Variants in ERC1 observed in about 807,000 individuals in gnomAD.
ERC1 encodes the protein ELKS/RAB6-interacting/CAST family member 1, also known as RAB6 interacting protein 2.
A neutral mutation model predicts 132.0 loss-of-function variants in ERC1; 56 were observed. That is an observed-to-expected ratio of 0.42 (90% CI 0.34 to 0.53). The LOEUF is 0.53. Ranked by LOEUF, ERC1 falls within the 20% of genes least tolerant of loss-of-function variation. The pLI is 0.03. For synonymous variants in ERC1, 478 were observed against 476.1 expected, an observed-to-expected ratio of 1.00 and a Z score of -0.05; for missense variants, 1,202 against 1,349.9, an observed-to-expected ratio of 0.89 and a Z score of 1.72.
At position 1,455,919 on chromosome 12, in the gene ERC1, G is replaced by A. The variant is rs77282740; in HGVS notation, c.3213+11169G>A. 3.2e-3 allele frequency among the ~76,000 whole-genome samples: 482 copies of A among 152,244 alleles called. 2 individuals are homozygous for A. The highest frequency in any genetic ancestry group is 0.02 in the Middle Eastern group (6 of 294). On this transcript the variant is annotated intron_variant, in intron 18 of 18. Transcript: ENST00000360905. Reference sequence around the variant, plus strand: ...TTAATTCCTTAGTTTCGAAAGATGCGACGGAGTGGGAAAGTTCGATATCCA... The same window carrying A: ...TTAATTCCTTAGTTTCGAAAGATGCAACGGAGTGGGAAAGTTCGATATCCA...
At chr12:1,051,573 A>C (rs977272479) in intron 2 of ERC1, among the ~76,000 whole-genome samples, 1 of 150,134 alleles carries the variant, frequency 6.7e-6, no homozygotes, top group Non-Finnish European at 1.5e-5. Context: ...GAAAAATTAG[A>C]CAGGTACAGT....
intron 14 of ERC1, among the ~76,000 whole-genome samples, chr12:1,286,210 C>A (rs1488535882): frequency 1.4e-5 from 2 of 147,754 alleles, no homozygotes; most frequent in Non-Finnish European, 3.0e-5. Context: ...AGGAGAATTG[C>A]TTGAACTGGG....
intron 14 of ERC1, among the ~76,000 whole-genome samples, chr12:1,266,715 T>A (rs2077509573): frequency 6.6e-6 from 1 of 152,112 alleles, no homozygotes; most frequent in Admixed American, 6.5e-5. Flanking sequence ...CATCTTTTCC[T>A]GTCTTTTAGC....
rs573120557 is a variant in ERC1, at chr12:1,485,267, T to A, written c.3214-4826T>A. 1.5e-4 allele frequency among the ~76,000 whole-genome samples: 21 copies of A among 140,938 alleles called. No homozygotes were observed. The Admixed American group carries it at 1.6e-3, about 11-fold the overall frequency. 92.5% of individuals were successfully genotyped at this position (140,938 alleles called of 152,430 possible). A position where few individuals can be genotyped will look rare whatever the true frequency, so the allele number is the denominator to read the frequency against. ...TCACCCAGGCTGGAGTGCAGTGGCG[T>A]GATCTTAGCCCACTGCAACCTCCAC... On this transcript the variant is annotated intron_variant, in intron 18 of 18. Transcript: ENST00000360905.
intron 2 of ERC1, among the ~76,000 whole-genome samples, chr12:1,036,158 G>A (rs955851268): frequency 2.6e-5 from 4 of 152,030 alleles, no homozygotes; most frequent in Admixed American, 6.5e-5. Flanking sequence ...TGTGTGTTGT[G>A]TTTCTTCTCT....
intron 12 of ERC1, among the ~76,000 whole-genome samples, chr12:1,207,523 T>C (rs1251362450): frequency 6.6e-6 from 1 of 152,214 alleles, no homozygotes; most frequent in Admixed American, 6.5e-5. Context: ...TAATAGTGCC[T>C]AGTGTTTTTG....
At chr12:1,080,204 G>T (rs1312343813) in intron 2 of ERC1, among the ~76,000 whole-genome samples, 1 of 152,146 alleles carries the variant, frequency 6.6e-6, no homozygotes, top group African/African-American at 2.4e-5. Flanking sequence ...GTGGCATTCA[G>T]TATATCCCAT....
rs1467097776 is a variant in ERC1 at position 1,384,927 on chromosome 12, C to A, written c.2925+12950C>A. Among the ~76,000 whole-genome samples the A allele has an allele frequency of 2.6e-5, 4 of 152,282 alleles. No individual in the cohort carries two copies. In the East Asian group the frequency reaches 5.8e-4, roughly 22 times the overall value. On this transcript the variant is annotated intron_variant, in intron 16 of 18. Transcript: ENST00000360905. ...TGGGTTCTCAGAAAATAATTTGGAA[C>A]ATGTACAGTCTGGGCCTACCTAACT... is the stretch of plus-strand genomic sequence containing the variant.
intron 2 of ERC1, among the ~76,000 whole-genome samples, chr12:1,075,854 G>T (rs1941258860): frequency 6.6e-6 from 1 of 152,202 alleles, no homozygotes; most frequent in Non-Finnish European, 1.5e-5. Context: ...GGAAGAGGAA[G>T]AAGAAAAGGG....
At chr12:1,069,332 G>A (rs1939889471) in intron 2 of ERC1, among the ~76,000 whole-genome samples, 2 of 152,160 alleles carry the variant, frequency 1.3e-5, no homozygotes, top group Non-Finnish European at 2.9e-5. Context: ...AAATGGAAAA[G>A]TAGCAAGTTT....
rs1009304578 is a variant in ERC1, at chr12:1,105,576, C to T, written c.1161+752C>T. On this transcript the variant is annotated intron_variant, in intron 4 of 18. Coordinates refer to ENST00000360905, the MANE Select transcript of ERC1 (RefSeq NM_178040.4). ...GTTTCACCGTGTTAGCCAGGATGGT[C>T]TCCATCTCCTGACCTCGTTATCCGC... Among the ~76,000 whole-genome samples, 6 of 152,224 alleles carry T rather than the reference C, an allele frequency of 3.9e-5. No individual in the cohort carries two copies. The South Asian group carries it at 6.2e-4, about 16-fold the overall frequency.
intron 15 of ERC1, among the ~76,000 whole-genome samples, chr12:1,300,254 G>C (rs2080285202): frequency 6.6e-6 from 1 of 152,164 alleles, no homozygotes. Flanking sequence ...TGGGATAACT[G>C]CCTAGCCATA....
At chr12:1,384,131 T>G (rs2089039486) in intron 16 of ERC1, among the ~76,000 whole-genome samples, 1 of 152,208 alleles carries the variant, frequency 6.6e-6, no homozygotes, top group Non-Finnish European at 1.5e-5. Flanking sequence ...CCCATCATAC[T>G]CTGTTGTAAT....
chr12:1,111,367 G>A (rs1227394096), intron 5 of ERC1, among the ~76,000 whole-genome samples: 2 of 152,118 alleles, frequency 1.3e-5, no homozygotes, highest in Non-Finnish European at 2.9e-5. Context: ...CAGAAAATAA[G>A]TGTTTTCCCC....
At chr12:1,403,268 G>T (rs1429709917) in intron 16 of ERC1, among the ~76,000 whole-genome samples, 1 of 151,984 alleles carries the variant, frequency 6.6e-6, no homozygotes, top group Non-Finnish European at 1.5e-5. Context: ...GGGACCAGGG[G>T]TTTCATCTCC....
Position 1,112,249 on chromosome 12 carries a change from A to G in ERC1, c.1352A>G (p.Glu451Gly). Residue 451 changes from glutamate to glycine, a missense_variant, in exon 6 of 19, where the codon GAG (glutamate) becomes GGG (glycine). Transcript: ENST00000360905. Reference sequence around the variant, plus strand: ...CTGAAGGAGGAACTAAGTTCGAAAGAGGCTCAATGGGAGGAGCTGAAAAAG... The same window carrying G: ...CTGAAGGAGGAACTAAGTTCGAAAGGGGCTCAATGGGAGGAGCTGAAAAAG... Reference protein sequence around the residue: ...EQLKEELSSKEAQWEELKKKA... With the variant: ...EQLKEELSSKGAQWEELKKKA... 6.2e-7 allele frequency: 1 copy of G among 1,613,198 alleles called. No individual in the cohort carries two copies. The highest frequency in any genetic ancestry group is 2.2e-5 in the East Asian group (1 of 44,866).
chr12:1,219,635 C>CTCTTTTTTT (rs1555312681), intron 12 of ERC1, among the ~76,000 whole-genome samples: 2 of 140,740 alleles, frequency 1.4e-5, no homozygotes, highest in African/African-American at 5.4e-5. Flanking sequence ...ACTGAACTCT[C>CTCTTTTTTT]TTTTTTTTTT....
At chr12:1,017,862 T>C (rs1446296639) in intron 1 of ERC1, among the ~76,000 whole-genome samples, 1 of 152,176 alleles carries the variant, frequency 6.6e-6, no homozygotes, top group East Asian at 1.9e-4. Flanking sequence ...GCTTGGTACA[T>C]CTTTAGCTTG....
rs1433777075 is a variant in ERC1 at position 1,006,914 on chromosome 12, A to G, written c.-157+15592A>G. Among the ~76,000 whole-genome samples the G allele has an allele frequency of 6.0e-5, 9 of 151,006 alleles. No individual in the cohort carries two copies. The East Asian group carries it at 1.7e-3, about 29-fold the overall frequency. On this transcript the variant is annotated intron_variant, in intron 1 of 18. Transcript: ENST00000360905. ...TTTTCTCGTTCCTCATTCAAAAAAT[A>G]TGGAAAATCTAATATACAATATATA...
Sources: allele counts gnomAD v4.1 joint callset (sites outside exome capture counted in the v4.1 genomes callset), GRCh38; gene constraint gnomAD v4.1.1; transcripts MANE v1.5; gene names NCBI Gene and HGNC (gene_info 2026-07-23, HGNC 2026-07-21).